Variants in PDZD8 observed in about 807,000 individuals in gnomAD.
The protein encoded by PDZD8 is PDZ domain-containing protein 8.
Under a neutral mutation model 85.8 loss-of-function variants are expected in PDZD8, and 14 were observed. That is an observed-to-expected ratio of 0.16 (90% CI 0.11 to 0.26). The LOEUF is 0.26. Among genes scored for constraint, PDZD8 ranks in the 10% least tolerant of loss-of-function variants. PDZD8 has a pLI of 1.00. For synonymous variants in PDZD8, 592 were observed against 568.6 expected, an observed-to-expected ratio of 1.04 and a Z score of -0.59; for missense variants, 1,197 against 1,424.3, an observed-to-expected ratio of 0.84 and a Z score of 2.57.
chr10:117,345,011 G>A (rs2133853297), intron 1 of PDZD8, among the ~76,000 whole-genome samples: 1 of 152,272 alleles, frequency 6.6e-6, no homozygotes, highest in East Asian at 1.9e-4. Flanking sequence ...CCCCAATCTA[G>A]CACTCAGCTC....
In PDZD8 at chr10:117,282,230, G is replaced by GT. The variant is rs914308651; in HGVS notation, c.*1037dup. On this transcript the variant is annotated 3_prime_UTR_variant, in exon 5 of 5. Transcript: ENST00000334464. ...TCACAGAATACTCCTACATGAAAAT[G>GT]TTTTTTCTAAAACAAAACCAGCCCA... 6 of 152,168 alleles carry GT rather than the reference G, an allele frequency of 3.9e-5. No homozygotes were observed. Among genetic ancestry groups the GT allele is most frequent in the East Asian group, 3.9e-4 (2 of 5,176 alleles). The allele number at this position is 152,168 out of a possible 1,614,324, so 9.4% of individuals were successfully genotyped here. A position where few individuals can be genotyped will look rare whatever the true frequency, so the allele number is the denominator to read the frequency against.
chr10:117,304,465 G>C (rs1843898750), intron 3 of PDZD8, among the ~76,000 whole-genome samples: 1 of 152,102 alleles, frequency 6.6e-6, no homozygotes, highest in African/African-American at 2.4e-5. Context: ...TTGGGTTAAT[G>C]CTGAAATGAG....
chr10:117,363,918 T>C (rs1418758759), intron 1 of PDZD8, among the ~76,000 whole-genome samples: 1 of 152,206 alleles, frequency 6.6e-6, no homozygotes, highest in Non-Finnish European at 1.5e-5. Flanking sequence ...GGCAATTATA[T>C]ACCAGACTAG....
intron 2 of PDZD8, among the ~76,000 whole-genome samples, chr10:117,322,725 A>G (rs994187325): frequency 2.0e-5 from 3 of 152,156 alleles, no homozygotes; most frequent in Non-Finnish European, 2.9e-5. Flanking sequence ...CCAAAGCCAT[A>G]ACCTGACTGG....
At chr10:117,291,504 G>A (rs1475794051) in intron 3 of PDZD8, among the ~76,000 whole-genome samples, 8 of 144,812 alleles carry the variant, frequency 5.5e-5, no homozygotes, top group South Asian at 2.3e-4. Flanking sequence ...ACTCCAGCCC[G>A]GGCAACAAAG....
intron 3 of PDZD8, among the ~76,000 whole-genome samples, chr10:117,294,430 A>G (rs72825503): frequency 0.019 from 2,871 of 152,316 alleles, 54 homozygotes; most frequent in Non-Finnish European, 0.023. Context: ...TACAGCTATT[A>G]TGAAAAACAG....
Position 117,283,757 on chromosome 10 carries a change from T to C in PDZD8, c.2976A>G (p.Lys992=). Residue 992 remains lysine, a synonymous_variant, in exon 5 of 5, where the codon AAA becomes AAG. Transcript: ENST00000334464. ...ACTTTATTCCTGTGCTGTTTCCCCG[T>C]TTAGAAGGACTGTTTGGACCACAGA... ...TEVCGPNSPS[K]RGNSTGIKLV... is the part of the protein sequence containing the mutation. 1 of 1,614,198 alleles carries C rather than the reference T, an allele frequency of 6.2e-7. No individual in the cohort carries two copies. The highest frequency in any genetic ancestry group is 1.1e-5 in the South Asian group (1 of 91,084).
In PDZD8 at chr10:117,375,082, T is replaced by C. The variant is rs778276263; in HGVS notation, c.146A>G (p.Lys49Arg). The change falls in exon 1 of 5, where the codon AAG becomes AGG. Residue 49 changes from lysine to arginine, a missense_variant. Physicochemically the swap from Lys to Arg is conservative, Grantham distance 26. Around this residue, in one of 4 missense-constraint regions of PDZD8, gnomAD observed 172 missense variants for 137.8 expected, o/e 1.25. Transcript: ENST00000334464. ...CCTTAGGAGCAGGCCCGGCACTGGC[T>C]TGATGTAGCGGAAGCCCTCGCCCGC... is the stretch of plus-strand genomic sequence containing the variant. ...ARAGEGFRYI[K>R]PVPGLLLREY... The C allele has an allele frequency of 1.3e-6, 2 of 1,599,988 alleles. No homozygotes were observed. Among genetic ancestry groups the C allele is most frequent in the South Asian group, 1.1e-5 (1 of 90,370 alleles).
intron 3 of PDZD8, among the ~76,000 whole-genome samples, chr10:117,308,948 G>T (rs1247867144): frequency 6.6e-6 from 1 of 152,076 alleles, no homozygotes; most frequent in East Asian, 1.9e-4. Context: ...ATGTGGACAG[G>T]GAGTTGAATG....
chr10:117,357,481 AG>A (rs758799450), intron 1 of PDZD8, among the ~76,000 whole-genome samples: 10 of 151,918 alleles, frequency 6.6e-5, no homozygotes, highest in Non-Finnish European at 1.3e-4. Context: ...AAAAGCCTAC[AG>A]GGGCCAGGCG....
At chr10:117,294,644 A>G (rs977959122) in intron 3 of PDZD8, among the ~76,000 whole-genome samples, 2 of 152,228 alleles carry the variant, frequency 1.3e-5, no homozygotes, top group African/African-American at 4.8e-5. Flanking sequence ...AATGTGCGGT[A>G]TACAAACACA....
Position 117,277,318 on chromosome 10 carries a change from C to A in PDZD8, c.*5950G>T. 2 of 1,136,762 alleles carry A rather than the reference C, an allele frequency of 1.8e-6. No homozygotes were observed. The highest frequency in any genetic ancestry group is 1.3e-6 in the Non-Finnish European group (1 of 766,826). The allele number at this position is 1,136,762 out of a possible 1,614,324, so 70.4% of individuals were successfully genotyped here. Reference sequence around the variant, plus strand: ...TGTTTAATTGTATAAAACAGTGTTTCCAGTGACACAACTCATCCAGAACTG... The same window carrying A: ...TGTTTAATTGTATAAAACAGTGTTTACAGTGACACAACTCATCCAGAACTG... On this transcript the variant is annotated 3_prime_UTR_variant, in exon 5 of 5. Transcript: ENST00000334464.
rs746899368 is a variant in PDZD8 at position 117,285,318 on chromosome 10, C to T, written c.1415G>A (p.Ser472Asn). The stretch of plus-strand genomic sequence containing the variant: ...CTCTTCATAACCCGATTGGCATGAG[C>T]TTGACAAAAAGTTTTCTTCCAACTG... The part of the protein sequence containing the change: ...FGQLEENFLS[S>N]SCQSGYEEEA... The change falls in exon 5 of 5, where the codon AGC becomes AAC. Residue 472 changes from serine (S) to asparagine (N), a missense_variant. By Grantham distance (46) the Ser-to-Asn change is conservative (BLOSUM62 1). Around this residue, in one of 4 missense-constraint regions of PDZD8, gnomAD observed 263 missense variants for 261.9 expected, o/e 1.00. Coordinates refer to ENST00000334464, the MANE Select transcript of PDZD8 (RefSeq NM_173791.5). 1.2e-6 allele frequency: 2 copies of T among 1,614,118 alleles called. No homozygotes were observed. Among genetic ancestry groups the T allele is most frequent in the Non-Finnish European group, 1.7e-6 (2 of 1,180,024 alleles).
At chr10:117,370,953 T>TGTGTGTGTGTGTGTGTGTGTGTG (rs1564716335) in intron 1 of PDZD8, among the ~76,000 whole-genome samples, 1 of 149,514 alleles carries the variant, frequency 6.7e-6, no homozygotes, top group South Asian at 2.1e-4. Flanking sequence ...TGTGTGTGTG[T>TGTGTGTGTGTGTGTGTGTGTGTG]TTAAAGGTGG....
Position 117,340,993 on chromosome 10 carries a change from A to G in PDZD8, c.982T>C (p.Leu328=). ...CAAAGAACATACCTGCTACATTCTA[A>G]CAACGTAACTTTAAGACGGCCTTCA... The part of the protein sequence containing the change: ...LTEGRLKVTL[L]ECSRLLIFGS... Residue 328 remains leucine (L), a synonymous_variant, in exon 2 of 5, where the codon TTA becomes CTA. Transcript: ENST00000334464. 1 of 1,614,096 alleles carries G rather than the reference A, an allele frequency of 6.2e-7. No homozygotes were observed. Among genetic ancestry groups the G allele is most frequent in the Non-Finnish European group, 8.5e-7 (1 of 1,179,960 alleles).
chr10:117,340,594 G>A (rs748709392), intron 2 of PDZD8, among the ~76,000 whole-genome samples: 4 of 152,100 alleles, frequency 2.6e-5, no homozygotes, highest in Non-Finnish European at 5.9e-5. Flanking sequence ...TCACTGCAGT[G>A]GCTGCTATAC....
At chr10:117,364,917 G>A (rs992901593) in intron 1 of PDZD8, among the ~76,000 whole-genome samples, 9 of 151,614 alleles carry the variant, frequency 5.9e-5, no homozygotes, top group Non-Finnish European at 1.3e-4. Context: ...TGAAAGTGGG[G>A]GCAGGAGGGA....
intron 3 of PDZD8, among the ~76,000 whole-genome samples, chr10:117,295,102 C>T (rs1242747788): frequency 6.6e-6 from 1 of 151,956 alleles, no homozygotes; most frequent in African/African-American, 2.4e-5. Context: ...GCCATGACTG[C>T]ACCACTACAG....
intron 3 of PDZD8, among the ~76,000 whole-genome samples, chr10:117,312,546 C>T (rs1844056848): frequency 6.6e-6 from 1 of 152,148 alleles, no homozygotes; most frequent in Admixed American, 6.5e-5. Context: ...GTGAAGTCTA[C>T]CAGCAAGTGT....
Sources: allele counts gnomAD v4.1 joint callset (sites outside exome capture counted in the v4.1 genomes callset), GRCh38; gene constraint gnomAD v4.1.1; regional missense constraint gnomAD v4.1.1; transcripts MANE v1.5; gene names NCBI Gene and HGNC (gene_info 2026-07-23, HGNC 2026-07-21).